TRIM2: variants seen among roughly 807,000 people sequenced by gnomAD.
TRIM2 encodes the protein tripartite motif containing 2, also known as tripartite motif-containing protein 2.
TRIM2 carries 20 observed loss-of-function variants against 75.2 expected under a neutral mutation model. The ratio of observed to expected loss-of-function variants is 0.27; its 90% CI spans 0.19 to 0.39. The LOEUF (loss-of-function observed/expected upper bound fraction) is 0.39. TRIM2 is among the 10% of genes least tolerant of loss of function. TRIM2 has a pLI of 1.00. For synonymous variants in TRIM2, 373 were observed against 388.3 expected, an observed-to-expected ratio of 0.96 and a Z score of 0.46; for missense variants, 660 against 990.8, an observed-to-expected ratio of 0.67 and a Z score of 4.48.
At chr4:153,329,750 T>C (rs1771042937) in intron 11 of TRIM2, among the ~76,000 whole-genome samples, 1 of 151,300 alleles carries the variant, frequency 6.6e-6, no homozygotes, top group African/African-American at 2.4e-5. Flanking sequence ...AGCAGGAGAA[T>C]CGCTTGAACC....
chr4:153,169,588 G>C lies in TRIM2; in HGVS notation c.-49+16318G>C, dbSNP rs183076009. Among the ~76,000 whole-genome samples the C allele has an allele frequency of 2.3e-3, 357 of 152,100 alleles. 1 individual carries two copies. Among genetic ancestry groups the C allele is most frequent in the Non-Finnish European group, 3.9e-3 (266 of 68,014 alleles). On this transcript the variant is annotated intron_variant, in intron 1 of 11. Transcript: ENST00000437508. ...TCAAGTTTTGTAAATATATACAACT[G>C]TATGTGTGTGTATATTGTATATATG...
At chr4:153,191,071 C>G (rs987990488) in intron 1 of TRIM2, among the ~76,000 whole-genome samples, 13 of 152,308 alleles carry the variant, frequency 8.5e-5, no homozygotes, top group African/African-American at 2.6e-4. Context: ...TCTTATTTCT[C>G]CTTCTCTATG....
intron 1 of TRIM2, among the ~76,000 whole-genome samples, chr4:153,205,255 C>G (rs533676034): frequency 2.0e-5 from 3 of 152,244 alleles, no homozygotes; most frequent in African/African-American, 7.2e-5. Context: ...GATGTGGGCT[C>G]AGCCAGCCAC....
Position 153,337,574 on chromosome 4 carries a change from G to C in TRIM2, c.*2608G>C. 1.0e-6 allele frequency: 1 copy of C among 985,806 alleles called. No individual in the cohort carries two copies. The highest frequency in any genetic ancestry group is 1.7e-5 in the African/African-American group (1 of 57,348). The allele number at this position is 985,806 out of a possible 1,614,324, so 61.1% of individuals were successfully genotyped here. A position where few individuals can be genotyped will look rare whatever the true frequency, so the allele number is the denominator to read the frequency against. ...TAACATTTCACACTTGGATACATAT[G>C]TGCATTTACTGTATTTCTTGGTAAG... is the stretch of plus-strand genomic sequence containing the variant. On this transcript the variant is annotated 3_prime_UTR_variant, in exon 12 of 12. Transcript: ENST00000338700.
At chr4:153,198,822 G>T (rs1345988727) in intron 1 of TRIM2, among the ~76,000 whole-genome samples, 1 of 152,140 alleles carries the variant, frequency 6.6e-6, no homozygotes, top group African/African-American at 2.4e-5. Flanking sequence ...TCTTTAGAAG[G>T]GTTTGGTGAA....
chr4:153,247,677 CAAAAAA>C (rs1183914263), intron 1 of TRIM2, among the ~76,000 whole-genome samples: 1 of 79,536 alleles, frequency 1.3e-5, no homozygotes, highest in Non-Finnish European at 2.3e-5. Flanking sequence ...GACTCTGTCT[CAAAAAA>C]AAAAAAAAAA....
At chr4:153,273,722 T>C (rs1351606352) in intron 2 of TRIM2, among the ~76,000 whole-genome samples, 1 of 152,178 alleles carries the variant, frequency 6.6e-6, no homozygotes, top group African/African-American at 2.4e-5. Context: ...AACCCCCTAA[T>C]TGCTCAGACT....
intron 1 of TRIM2, among the ~76,000 whole-genome samples, chr4:153,204,935 C>A (rs1427217494): frequency 6.6e-6 from 1 of 152,230 alleles, no homozygotes; most frequent in Non-Finnish European, 1.5e-5. Flanking sequence ...TGTAAGCCAG[C>A]TGCTAGCCGA....
intron 1 of TRIM2, among the ~76,000 whole-genome samples, chr4:153,156,099 G>A (rs927713082): frequency 1.3e-5 from 2 of 152,162 alleles, no homozygotes; most frequent in African/African-American, 2.4e-5. Flanking sequence ...AAAATGTTTC[G>A]TGCTTGCTGA....
intron 1 of TRIM2, among the ~76,000 whole-genome samples, chr4:153,168,710 A>G (rs1480476548): frequency 6.6e-6 from 1 of 152,178 alleles, no homozygotes; most frequent in Non-Finnish European, 1.5e-5. Flanking sequence ...AAGAAAATCA[A>G]TTGAGTAGGC....
chr4:153,259,957 G>A (rs899141433), intron 1 of TRIM2, among the ~76,000 whole-genome samples: 4 of 151,996 alleles, frequency 2.6e-5, no homozygotes, highest in Non-Finnish European at 2.9e-5. Flanking sequence ...TCACATTCTC[G>A]ACAGCCTCTA....
intron 1 of TRIM2, among the ~76,000 whole-genome samples, chr4:153,246,248 A>G (rs374730938): frequency 1.2e-4 from 19 of 152,168 alleles, no homozygotes; most frequent in African/African-American, 3.9e-4. Flanking sequence ...TAAAAAGTAA[A>G]AAGTATCTCT....
intron 1 of TRIM2, among the ~76,000 whole-genome samples, chr4:153,197,245 T>C (rs1019437485): frequency 2.2e-4 from 34 of 152,346 alleles, no homozygotes; most frequent in Middle Eastern, 6.8e-3. Context: ...ACCTCCTTAA[T>C]GGGTTGTGAG....
At chr4:153,220,323 A>T (rs900627299) in intron 1 of TRIM2, among the ~76,000 whole-genome samples, 1 of 152,200 alleles carries the variant, frequency 6.6e-6, no homozygotes, top group Non-Finnish European at 1.5e-5. Context: ...TGGATAGAAG[A>T]TATGATGAGA....
intron 1 of TRIM2, among the ~76,000 whole-genome samples, chr4:153,243,815 T>C (rs904311233): frequency 2.1e-4 from 26 of 122,400 alleles, no homozygotes; most frequent in Non-Finnish European, 9.7e-5. Flanking sequence ...TCCTTTTTTT[T>C]TTTCCCCCCC....
intron 3 of TRIM2, among the ~76,000 whole-genome samples, chr4:153,290,436 T>G (rs548680091): frequency 6.6e-6 from 1 of 152,204 alleles, no homozygotes; most frequent in Non-Finnish European, 1.5e-5. Flanking sequence ...GGGAAATCCC[T>G]TGGAAGTACC....
At chr4:153,280,265 T>C (rs1758986862) in intron 3 of TRIM2, among the ~76,000 whole-genome samples, 1 of 152,096 alleles carries the variant, frequency 6.6e-6, no homozygotes, top group Non-Finnish European at 1.5e-5. Context: ...ATTTCATTTG[T>C]GATACGCTTA....
chr4:153,277,501 C>T (rs1223498480), intron 3 of TRIM2, among the ~76,000 whole-genome samples: 1 of 152,162 alleles, frequency 6.6e-6, no homozygotes, highest in Admixed American at 6.5e-5. Context: ...CATTAGACCC[C>T]TAGCACTGAG....
At chr4:153,172,315 G>A (rs1441428193) in intron 1 of TRIM2, among the ~76,000 whole-genome samples, 6 of 152,112 alleles carry the variant, frequency 3.9e-5, no homozygotes, top group Admixed American at 6.5e-5. Flanking sequence ...AGCCTCCCGA[G>A]TAGCTGGGAC....
Sources: gnomAD v4.1 joint callset for allele counts (sites outside exome capture counted in the v4.1 genomes callset) on GRCh38, gnomAD v4.1.1 for gene constraint, MANE v1.5 for transcripts, NCBI Gene and HGNC (gene_info 2026-07-23, HGNC 2026-07-21) for gene names.